The following OXR1 variants were observed in gnomAD, a reference collection of about 807,000 sequenced individuals.
OXR1 encodes the protein oxidation resistance protein 1.
In OXR1, 41 loss-of-function variants were observed where a neutral mutation model predicts 104.6. That is an observed-to-expected ratio of 0.39 (90% CI 0.31 to 0.51). The LOEUF (loss-of-function observed/expected upper bound fraction) is 0.51. Ranked by LOEUF, OXR1 falls within the 20% of genes least tolerant of loss-of-function variation. OXR1 has a pLI of 0.77. For synonymous variants in OXR1, 348 were observed against 348.4 expected, an observed-to-expected ratio of 1.00 and a Z score of 0.01; for missense variants, 955 against 1,031.9, an observed-to-expected ratio of 0.93 and a Z score of 1.02.
chr8:106,536,670 G>A (rs2130289204), intron 3 of OXR1, among the ~76,000 whole-genome samples: 1 of 151,678 alleles, frequency 6.6e-6, no homozygotes, highest in East Asian at 1.9e-4. Context: ...TATATTTATT[G>A]GGTTAGCCAG....
intron 2 of OXR1, among the ~76,000 whole-genome samples, chr8:106,384,796 T>A (rs899382805): frequency 5.3e-5 from 8 of 151,422 alleles, no homozygotes; most frequent in African/African-American, 9.7e-5. Context: ...CTCACTGTAA[T>A]CTCTGCTTCC....
chr8:106,625,057 G>T (rs999343023), intron 3 of OXR1, among the ~76,000 whole-genome samples: 3 of 152,124 alleles, frequency 2.0e-5, no homozygotes, highest in Non-Finnish European at 4.4e-5. Context: ...CTCCCAAAGC[G>T]CTAGAATTAC....
At chr8:106,468,205 C>T (rs932748626) in intron 2 of OXR1, among the ~76,000 whole-genome samples, 3 of 151,804 alleles carry the variant, frequency 2.0e-5, no homozygotes, top group South Asian at 4.1e-4. Flanking sequence ...GGTCTTCACC[C>T]TCAAGGAGCT....
At chr8:106,663,662 G>C (rs756062245) in intron 3 of OXR1, among the ~76,000 whole-genome samples, 7 of 152,210 alleles carry the variant, frequency 4.6e-5, no homozygotes, top group African/African-American at 1.7e-4. Context: ...AAGCGAGCCA[G>C]CATTACTGCC....
At chr8:106,596,777 G>A (rs764813431) in intron 3 of OXR1, among the ~76,000 whole-genome samples, 48 of 152,066 alleles carry the variant, frequency 3.2e-4, no homozygotes, top group Non-Finnish European at 5.9e-4. Context: ...GGATGGGGCC[G>A]GGTGCGGTGG....
intron 7 of OXR1, among the ~76,000 whole-genome samples, chr8:106,694,701 A>G (rs1220911815): frequency 1.8e-5 from 2 of 108,996 alleles, no homozygotes; most frequent in Admixed American, 1.1e-4. Flanking sequence ...ATATGTTTAT[A>G]TATTTAATAT....
intron 2 of OXR1, among the ~76,000 whole-genome samples, chr8:106,424,021 C>T (rs2096674879): frequency 6.6e-6 from 1 of 152,208 alleles, no homozygotes; most frequent in African/African-American, 2.4e-5. Flanking sequence ...ACTGCAACCT[C>T]TGCCTCCCGA....
At chr8:106,684,734 ACT>A (rs1000824264) in intron 6 of OXR1, among the ~76,000 whole-genome samples, 3 of 152,246 alleles carry the variant, frequency 2.0e-5, no homozygotes, top group African/African-American at 7.2e-5. Context: ...AGTACTTAGA[ACT>A]CTTGAGTTTA....
chr8:106,634,419 T>C lies in OXR1; in HGVS notation c.221-44791T>C, dbSNP rs1178729480. Reference sequence around the variant, plus strand: ...ATCAAGTTATAGTAGCATATATTTATTGACCACTTGTCACATGCCCTATAA... The same window carrying C: ...ATCAAGTTATAGTAGCATATATTTACTGACCACTTGTCACATGCCCTATAA... On this transcript the variant is annotated intron_variant, in intron 3 of 16. Transcript: ENST00000517566. 2.6e-5 allele frequency among the ~76,000 whole-genome samples: 4 copies of C among 152,230 alleles called. No homozygotes were observed. The East Asian group carries it at 7.7e-4, about 29-fold the overall frequency.
chr8:106,496,927 A>T (rs1264819713), intron 2 of OXR1, among the ~76,000 whole-genome samples: 2 of 152,174 alleles, frequency 1.3e-5, no homozygotes, highest in Non-Finnish European at 2.9e-5. Flanking sequence ...AATGTAAACC[A>T]AAGACTGGGA....
At chr8:106,714,745 A>G (rs529772561) in intron 11 of OXR1, among the ~76,000 whole-genome samples, 1 of 152,268 alleles carries the variant, frequency 6.6e-6, no homozygotes, top group South Asian at 2.1e-4. Flanking sequence ...CTAAAATGTT[A>G]TAATAAATGT....
intron 3 of OXR1, among the ~76,000 whole-genome samples, chr8:106,660,021 AG>A (rs1373651994): frequency 2.0e-5 from 3 of 152,250 alleles, no homozygotes; most frequent in Admixed American, 6.5e-5. Flanking sequence ...TCATGTGGGC[AG>A]GTACGTCCTA....
chr8:106,410,854 G>C (rs1374404072), intron 2 of OXR1, among the ~76,000 whole-genome samples: 1 of 152,104 alleles, frequency 6.6e-6, no homozygotes, highest in Non-Finnish European at 1.5e-5. Flanking sequence ...GGCTTCATCT[G>C]TTTCTGTTGC....
At chr8:106,292,459 C>T (rs1219243679) in intron 1 of OXR1, among the ~76,000 whole-genome samples, 1 of 152,016 alleles carries the variant, frequency 6.6e-6, no homozygotes, top group Non-Finnish European at 1.5e-5. Context: ...TGATGAGTGA[C>T]TAGTTAAGAT....
intron 3 of OXR1, among the ~76,000 whole-genome samples, chr8:106,550,262 C>T (rs1459330497): frequency 6.6e-6 from 1 of 152,146 alleles, no homozygotes; most frequent in Non-Finnish European, 1.5e-5. Context: ...ATGTTATAGC[C>T]ACTACTCTGA....
chr8:106,576,641 TA>T (rs1434467538), intron 3 of OXR1, among the ~76,000 whole-genome samples: 1 of 152,048 alleles, frequency 6.6e-6, no homozygotes, highest in African/African-American at 2.4e-5. Context: ...GGGGTGATTT[TA>T]AAAATCATTA....
At chr8:106,291,052 A>C (rs1812729256) in intron 1 of OXR1, among the ~76,000 whole-genome samples, 2 of 152,194 alleles carry the variant, frequency 1.3e-5, no homozygotes, top group South Asian at 4.1e-4. Context: ...CTAGGTGCCC[A>C]TTAGTGGTGG....
chr8:106,308,919 T>G (rs1019373718), intron 1 of OXR1, among the ~76,000 whole-genome samples: 2 of 152,202 alleles, frequency 1.3e-5, no homozygotes, highest in African/African-American at 4.8e-5. Flanking sequence ...GTGACTTAAT[T>G]TGTAGTACTC....
chr8:106,469,429 A>G (rs1344013423), intron 2 of OXR1, among the ~76,000 whole-genome samples: 4 of 151,920 alleles, frequency 2.6e-5, no homozygotes, highest in African/African-American at 9.6e-5. Flanking sequence ...GAGCTAGAAT[A>G]CTTAAATTGG....
Sources: gnomAD v4.1 joint callset for allele counts (sites outside exome capture counted in the v4.1 genomes callset) on GRCh38, gnomAD v4.1.1 for gene constraint, MANE v1.5 for transcripts, NCBI Gene and HGNC (gene_info 2026-07-23, HGNC 2026-07-21) for gene names.